Variants in ATXN7 observed in about 807,000 individuals in gnomAD.
ATXN7 encodes ataxin 7, also known as ataxin-7.
ATXN7 carries 12 observed loss-of-function variants against 70.5 expected under a neutral mutation model. The observed-to-expected ratio is 0.17, with a 90% CI of 0.11 to 0.28. The LOEUF (loss-of-function observed/expected upper bound fraction) is 0.28, where lower values mean the gene tolerates loss of function less well. Among genes scored for constraint, ATXN7 ranks in the 10% least tolerant of loss-of-function variants. ATXN7 has a pLI of 1.00. For missense variants in ATXN7, 1,256 were observed against 1,131.7 expected (o/e 1.11, Z -1.58); for synonymous variants, 498 against 448.7 (o/e 1.11, Z -1.39).
chr3:63,902,828 TTTA>T (rs1703694348), intron 2 of ATXN7, among the ~76,000 whole-genome samples: 1 of 152,122 alleles, frequency 6.6e-6, no homozygotes, highest in African/African-American at 2.4e-5. Flanking sequence ...TCAATATTAG[TTTA>T]GAGTTTCTTC....
intron 4 of ATXN7, among the ~76,000 whole-genome samples, chr3:63,945,051 C>G (rs952133341): frequency 2.1e-4 from 32 of 152,204 alleles, no homozygotes; most frequent in African/African-American, 7.5e-4. Context: ...CTCGGCCTCC[C>G]GAAGTGCTGG....
chr3:63,891,257 C>T (rs886487398), intron 1 of ATXN7, among the ~76,000 whole-genome samples: 11 of 152,052 alleles, frequency 7.2e-5, no homozygotes, highest in Non-Finnish European at 1.5e-4. Flanking sequence ...GATCTGCCCA[C>T]TTCAGCCTCC....
At chr3:63,971,521 G>T (rs1032883467) in intron 5 of ATXN7, among the ~76,000 whole-genome samples, 1 of 152,086 alleles carries the variant, frequency 6.6e-6, no homozygotes, top group African/African-American at 2.4e-5. Flanking sequence ...ATATGTGAGT[G>T]CTTTTAAGAA....
At chr3:63,881,389 G>T (rs1702903339) in intron 1 of ATXN7, among the ~76,000 whole-genome samples, 1 of 151,880 alleles carries the variant, frequency 6.6e-6, no homozygotes, top group South Asian at 2.1e-4. Context: ...GATTTCTGAA[G>T]AAGTTAGTTG....
intron 8 of ATXN7, among the ~76,000 whole-genome samples, chr3:63,985,586 C>G (rs1018658572): frequency 2.0e-5 from 3 of 152,212 alleles, no homozygotes; most frequent in Non-Finnish European, 4.4e-5. Flanking sequence ...GCTGCCAGGT[C>G]TCTTCTGTCT....
intron 11 of ATXN7, among the ~76,000 whole-genome samples, chr3:63,991,806 A>G (rs1188949611): frequency 2.6e-5 from 4 of 151,332 alleles, no homozygotes; most frequent in Non-Finnish European, 4.4e-5. Context: ...AAAAGGTTTA[A>G]CTCAGCCTTT....
chr3:63,963,342 CGT>C (rs1167633709), intron 5 of ATXN7, among the ~76,000 whole-genome samples: 1 of 152,118 alleles, frequency 6.6e-6, no homozygotes, highest in Non-Finnish European at 1.5e-5. Flanking sequence ...ACACCTATAA[CGT>C]ATTTTTATAT....
chr3:63,870,915 G>GAT (rs902677897), intron 1 of ATXN7, among the ~76,000 whole-genome samples: 3 of 152,140 alleles, frequency 2.0e-5, no homozygotes, highest in Non-Finnish European at 4.4e-5. Flanking sequence ...AGAGCATGTA[G>GAT]ATATATATGT....
rs1398618780 is a variant in ATXN7 at position 63,973,189 on chromosome 3, C to T, written c.500-6726C>T. Reference sequence around the variant, plus strand: ...ATATCCCTGACTCTAAAGTTCTTGCCCTTTTCAGGTAATCTTTTAAAAAGT... The same window carrying T: ...ATATCCCTGACTCTAAAGTTCTTGCTCTTTTCAGGTAATCTTTTAAAAAGT... On this transcript the variant is annotated intron_variant, in intron 5 of 12. Transcript: ENST00000674280. 3.3e-5 allele frequency among the ~76,000 whole-genome samples: 5 copies of T among 152,110 alleles called. No individual in the cohort carries two copies. The South Asian group carries it at 8.3e-4, about 25-fold the overall frequency.
At chr3:63,909,818 C>G (rs116244569) in intron 2 of ATXN7, among the ~76,000 whole-genome samples, 1 of 152,132 alleles carries the variant, frequency 6.6e-6, no homozygotes, top group Non-Finnish European at 1.5e-5. Flanking sequence ...CCGTCAATCT[C>G]TTGTCTGCAC....
chr3:63,878,387 G>C (rs965058656), intron 1 of ATXN7: 2 of 152,244 alleles, frequency 1.3e-5, no homozygotes, highest in African/African-American at 4.8e-5. Flanking sequence ...CATTCTGCCA[G>C]CTGTCTTTCA....
intron 2 of ATXN7, among the ~76,000 whole-genome samples, chr3:63,899,011 T>C (rs976378541): frequency 6.6e-6 from 1 of 152,068 alleles, no homozygotes; most frequent in African/African-American, 2.4e-5. Context: ...TCTGTGGTAA[T>C]GAGTAGTCTC....
intron 4 of ATXN7, among the ~76,000 whole-genome samples, chr3:63,946,697 A>G (rs1052093937): frequency 1.3e-5 from 2 of 151,884 alleles, no homozygotes; most frequent in Admixed American, 1.3e-4. Context: ...TGAGAATGAC[A>G]GGAGACTTGA....
Position 63,990,305 on chromosome 3 carries a change from C to CGAT in ATXN7, c.1494_1496dup (p.Asp499dup). ...GGTTATCCAGTGAGGAGGGCGAAGG[C>CGAT]GATGACAAAGAAGAGTCTGTTGAAA... On this transcript the variant is annotated inframe_insertion, in exon 10 of 13. Transcript: ENST00000674280. 6.2e-7 allele frequency: 1 copy of CGAT among 1,614,138 alleles called. No individual in the cohort carries two copies. The highest frequency in any genetic ancestry group is 8.5e-7 in the Non-Finnish European group (1 of 1,180,048).
At chr3:63,915,030 G>A (rs1312599382) in intron 4 of ATXN7, among the ~76,000 whole-genome samples, 1 of 151,470 alleles carries the variant, frequency 6.6e-6, no homozygotes, top group Non-Finnish European at 1.5e-5. Flanking sequence ...CCACCTCCCA[G>A]GTTCAAGCGA....
intron 12 of ATXN7, chr3:63,998,348 ATGTG>A: frequency 2.0e-6 from 2 of 984,970 alleles, no homozygotes; most frequent in Non-Finnish European, 2.4e-6. Flanking sequence ...GTTGAGATAT[ATGTG>A]TGTGTGTATA....
intron 1 of ATXN7, among the ~76,000 whole-genome samples, chr3:63,886,286 A>G (rs1309921075): frequency 1.3e-5 from 2 of 152,130 alleles, no homozygotes; most frequent in African/African-American, 4.8e-5. Flanking sequence ...GATGTTGATC[A>G]AAGAGTACAA....
At chr3:63,995,420 T>C in intron 11 of ATXN7, 85 bp from the exon 12 acceptor site, 1 of 1,458,576 alleles carries the variant, frequency 6.9e-7, no homozygotes, top group Non-Finnish European at 9.5e-7. Flanking sequence ...TTTCTCTTTG[T>C]CACAAGCAAA....
rs147600590 is a variant in ATXN7 at position 63,909,556 on chromosome 3, C to A, written c.-11-3032C>A. 1.6e-3 allele frequency among the ~76,000 whole-genome samples: 249 copies of A among 152,274 alleles called. 1 individual carries two copies. Among genetic ancestry groups the A allele is most frequent in the Middle Eastern group, 0.01 (3 of 294 alleles). The stretch of plus-strand genomic sequence containing the variant: ...CTAAGTATTGGGTTTCTGTTGTACT[C>A]TTGTTTATAAACAGTATGCTTTGCA... On this transcript the variant is annotated intron_variant, in intron 2 of 12. Coordinates refer to ENST00000674280, the MANE Select transcript of ATXN7 (RefSeq NM_001377405.1).
Sources: gnomAD v4.1 joint callset for allele counts (sites outside exome capture counted in the v4.1 genomes callset) on GRCh38, gnomAD v4.1.1 for gene constraint, MANE v1.5 for transcripts, NCBI Gene and HGNC (gene_info 2026-07-23, HGNC 2026-07-21) for gene names.